The following BANK1 variants were observed in gnomAD, a reference collection of about 807,000 sequenced individuals.
BANK1 encodes the protein B-cell scaffold protein with ankyrin repeats.
Under a neutral mutation model 94.5 loss-of-function variants are expected in BANK1, and 95 were observed. The observed-to-expected ratio is 1.00, with a 90% CI of 0.85 to 1.19. The LOEUF is 1.19. BANK1 is among the 50% of genes most tolerant of loss of function. The pLI is 0.00. For synonymous variants in BANK1, 334 were observed against 308.4 expected, an observed-to-expected ratio of 1.08 and a Z score of -0.87; for missense variants, 987 against 932.2, an observed-to-expected ratio of 1.06 and a Z score of -0.77.
At chr4:101,886,151 T>C (rs1007780509) in intron 5 of BANK1, among the ~76,000 whole-genome samples, 15 of 152,230 alleles carry the variant, frequency 9.9e-5, no homozygotes, top group African/African-American at 3.4e-4. Flanking sequence ...AAGGGTACTG[T>C]AAGACACATG....
chr4:101,844,741 A>G (rs1727181644), intron 2 of BANK1, among the ~76,000 whole-genome samples: 1 of 152,260 alleles, frequency 6.6e-6, no homozygotes, highest in South Asian at 2.1e-4. Context: ...AGGATTAAAT[A>G]TGATTATGGA....
At position 101,970,782 on chromosome 4, in the gene BANK1, G is replaced by A. The variant is rs1041754745; in HGVS notation, c.1207-50732G>A. On this transcript the variant is annotated intron_variant, in intron 7 of 16. Coordinates refer to ENST00000322953, the MANE Select transcript of BANK1 (RefSeq NM_017935.5). ...TTTGCTTAGAGAAAACCAAACATCT[G>A]ATAAGGGAAGATCAGTAGAATCTGG... Among the ~76,000 whole-genome samples, 7 of 152,212 alleles carry A rather than the reference G, an allele frequency of 4.6e-5. 1 individual carries two copies. Among genetic ancestry groups the A allele is most frequent in the Admixed American group, 4.6e-4 (7 of 15,262 alleles).
At chr4:102,040,548 T>C (rs1727670297) in intron 10 of BANK1, among the ~76,000 whole-genome samples, 1 of 152,046 alleles carries the variant, frequency 6.6e-6, no homozygotes, top group Non-Finnish European at 1.5e-5. Flanking sequence ...CCTAATTACT[T>C]TGATAGCATG....
intron 10 of BANK1, 44 bp downstream of exon 10, chr4:102,030,309 CA>C: frequency 6.6e-7 from 1 of 1,511,378 alleles, no homozygotes. Flanking sequence ...TTTTTTTGTC[CA>C]AAATTTTGAG....
chr4:101,865,862 A>C (rs1402160899), intron 4 of BANK1, among the ~76,000 whole-genome samples: 1 of 152,184 alleles, frequency 6.6e-6, no homozygotes, highest in African/African-American at 2.4e-5. Flanking sequence ...AGAAAAGTAC[A>C]TAATCAAAAA....
intron 7 of BANK1, 112 bp downstream of exon 7, chr4:101,918,301 G>A (rs1722896293): frequency 3.7e-6 from 2 of 539,004 alleles, no homozygotes; most frequent in Non-Finnish European, 3.0e-6. Flanking sequence ...CTCTAGTTAA[G>A]GCACTATTAG....
chr4:102,009,936 G>C (rs960193410), intron 7 of BANK1, among the ~76,000 whole-genome samples: 10 of 152,204 alleles, frequency 6.6e-5, no homozygotes, highest in African/African-American at 2.2e-4. Flanking sequence ...ATATTGAGAA[G>C]ATTCTGAGTA....
In BANK1 at chr4:101,852,454, A is replaced by C. The variant is rs149378289; in HGVS notation, c.470-2581A>C. Among the ~76,000 whole-genome samples, 802 of 135,778 alleles carry C rather than the reference A, an allele frequency of 5.9e-3. 14 individuals are homozygous for C. The East Asian group carries it at 0.059, about 10-fold the overall frequency. 89.1% of individuals were successfully genotyped at this position (135,778 alleles called of 152,430 possible). A position where few individuals can be genotyped will look rare whatever the true frequency, so the allele number is the denominator to read the frequency against. ...CATGACCCACAAGCCAGAAAGAACCACTCAATATTTTTCGGCTATATATAT... is the reference window on the plus strand; with the variant it reads ...CATGACCCACAAGCCAGAAAGAACCCCTCAATATTTTTCGGCTATATATAT... On this transcript the variant is annotated intron_variant, in intron 2 of 16. Transcript: ENST00000322953.
rs1243078462 is a variant in BANK1, at chr4:102,003,901, G to GTA, written c.1207-17607_1207-17606dup. Among the ~76,000 whole-genome samples the GTA allele has an allele frequency of 1.2e-4, 18 of 150,286 alleles. No individual in the cohort carries two copies. In the East Asian group the frequency reaches 2.2e-3, roughly 18 times the overall value. On this transcript the variant is annotated intron_variant, in intron 7 of 16. Transcript: ENST00000322953. ...CATATATGTATATACATATATGTGT[G>GTA]TATATATGTATGTATACATATATGT...
chr4:101,852,723 A>G (rs929250886), intron 2 of BANK1, among the ~76,000 whole-genome samples: 1 of 151,914 alleles, frequency 6.6e-6, no homozygotes, highest in African/African-American at 2.4e-5. Context: ...CTTTTATCGC[A>G]TAAGATATTT....
At chr4:101,943,034 A>T (rs529352678) in intron 7 of BANK1, among the ~76,000 whole-genome samples, 1 of 152,060 alleles carries the variant, frequency 6.6e-6, no homozygotes, top group East Asian at 1.9e-4. Flanking sequence ...AGCCAATGGT[A>T]GTTAGCCAAG....
chr4:101,957,487 G>A (rs903692930), intron 7 of BANK1, among the ~76,000 whole-genome samples: 38 of 152,090 alleles, frequency 2.5e-4, no homozygotes, highest in African/African-American at 7.5e-4. Flanking sequence ...TTGAGTTCTC[G>A]TCTATGAGTC....
chr4:101,908,679 G>A (rs893966183), intron 6 of BANK1, among the ~76,000 whole-genome samples: 2 of 152,098 alleles, frequency 1.3e-5, no homozygotes, highest in African/African-American at 4.8e-5. Context: ...TTAATATCCA[G>A]AATCTACAAT....
chr4:101,996,827 G>T (rs938773407), intron 7 of BANK1, among the ~76,000 whole-genome samples: 5 of 152,158 alleles, frequency 3.3e-5, no homozygotes, highest in East Asian at 1.9e-4. Context: ...AGGAGATTTT[G>T]GGCTGAGACG....
At chr4:101,883,110 A>G (rs1728736113) in intron 5 of BANK1, among the ~76,000 whole-genome samples, 1 of 152,208 alleles carries the variant, frequency 6.6e-6, no homozygotes, top group Non-Finnish European at 1.5e-5. Context: ...TTTTACTGAT[A>G]ACATAAGTGA....
intron 7 of BANK1, among the ~76,000 whole-genome samples, chr4:102,008,995 T>C (rs1173894102): frequency 6.6e-6 from 1 of 152,234 alleles, no homozygotes; most frequent in East Asian, 1.9e-4. Flanking sequence ...CTGGCCCCAG[T>C]AGCTTCATCA....
chr4:101,936,571 C>T (rs72916159), intron 7 of BANK1, among the ~76,000 whole-genome samples: 4,626 of 149,656 alleles, frequency 0.031, 241 homozygotes, highest in African/African-American at 0.11. Context: ...TATATGTATA[C>T]GTGTATGTGT....
At position 102,030,946 on chromosome 4, in the gene BANK1, T is replaced by C. The variant is rs571407472; in HGVS notation, c.1900+681T>C. Reference sequence around the variant, plus strand: ...GTAGAATGATTTATAATACTTTGGGTATATACCCAGTAATGGGATTGCTGG... The same window carrying C: ...GTAGAATGATTTATAATACTTTGGGCATATACCCAGTAATGGGATTGCTGG... On this transcript the variant is annotated intron_variant, in intron 10 of 16. Transcript: ENST00000322953. 2.0e-5 allele frequency among the ~76,000 whole-genome samples: 3 copies of C among 152,324 alleles called. 1 individual carries two copies. The highest frequency in any genetic ancestry group is 4.8e-5 in the African/African-American group (2 of 41,570).
intron 6 of BANK1, among the ~76,000 whole-genome samples, chr4:101,900,291 A>C (rs1421878204): frequency 1.3e-5 from 2 of 152,236 alleles, no homozygotes; most frequent in African/African-American, 4.8e-5. Context: ...CAACAAAATA[A>C]GACCATTGCA....
Sources: gnomAD v4.1 joint callset for allele counts (sites outside exome capture counted in the v4.1 genomes callset) on GRCh38, gnomAD v4.1.1 for gene constraint, MANE v1.5 for transcripts, NCBI Gene and HGNC (gene_info 2026-07-23, HGNC 2026-07-21) for gene names.